Variants in FBXO11 observed in about 807,000 individuals in gnomAD.
FBXO11 encodes the protein F-box only protein 11.
A neutral mutation model predicts 117.0 loss-of-function variants in FBXO11; 13 were observed. The observed-to-expected ratio is 0.11, with a 90% CI of 0.07 to 0.18. FBXO11 has a LOEUF of 0.18. Ranked by LOEUF, FBXO11 falls within the 10% of genes least tolerant of loss-of-function variation. FBXO11 has a pLI of 1.00. For missense variants in FBXO11, 767 were observed against 1,164.4 expected, an observed-to-expected ratio of 0.66 and a Z score of 4.97; for synonymous variants, 490 against 380.5, an observed-to-expected ratio of 1.29 and a Z score of -3.35.
At position 47,905,820 on chromosome 2, in the gene FBXO11, G is replaced by T; in HGVS notation, c.-100C>A. On this transcript the variant is annotated 5_prime_UTR_variant, in exon 1 of 23. Transcript: ENST00000403359. ...AAGGGGTGGGGAGAGTGGGAGAGGG[G>T]GGAGGAAGGAGAGGGGGCGAGGGGA... 9.6e-7 allele frequency: 1 copy of T among 1,041,356 alleles called. No individual in the cohort carries two copies. The highest frequency in any genetic ancestry group is 1.3e-6 in the Non-Finnish European group (1 of 757,052). The allele number at this position is 1,041,356 out of a possible 1,614,324, so 64.5% of individuals were successfully genotyped here.
At chr2:47,812,226 A>G (rs758299612) in intron 18 of FBXO11, among the ~76,000 whole-genome samples, 1 of 152,170 alleles carries the variant, frequency 6.6e-6, no homozygotes, top group Non-Finnish European at 1.5e-5. Flanking sequence ...CACACTATAC[A>G]TTTTATGGAT....
chr2:47,807,873 T>A lies in FBXO11; in HGVS notation c.*245A>T. 4 of 366,708 alleles carry A rather than the reference T, an allele frequency of 1.1e-5. No individual in the cohort carries two copies. In the South Asian group the frequency reaches 2.1e-4, roughly 19 times the overall value. 22.7% of individuals were successfully genotyped at this position (366,708 alleles called of 1,614,324 possible). A position where few individuals can be genotyped will look rare whatever the true frequency, so the allele number is the denominator to read the frequency against. ...TATCTGTACAAAATTGCAGCTTATTTTCTTCACTTCTGTCCCTTCAAGTCT... is the reference window on the plus strand; with the variant it reads ...TATCTGTACAAAATTGCAGCTTATTATCTTCACTTCTGTCCCTTCAAGTCT... On this transcript the variant is annotated 3_prime_UTR_variant, in exon 23 of 23. Transcript: ENST00000403359.
intron 1 of FBXO11, among the ~76,000 whole-genome samples, chr2:47,900,912 G>C (rs947904377): frequency 7.6e-6 from 1 of 131,184 alleles, no homozygotes; most frequent in Non-Finnish European, 1.6e-5. Context: ...ACATATATAT[G>C]TATATATATA....
intron 3 of FBXO11, 41 bp downstream of exon 3, chr2:47,839,378 A>C (rs765192103): frequency 6.4e-7 from 1 of 1,558,450 alleles, no homozygotes; most frequent in Non-Finnish European, 8.7e-7. Context: ...AAATTAAAAA[A>C]AATTATTTTA....
At chr2:47,834,158 T>A (rs1385946983) in intron 7 of FBXO11, among the ~76,000 whole-genome samples, 4 of 152,150 alleles carry the variant, frequency 2.6e-5, no homozygotes, top group African/African-American at 9.7e-5. Context: ...GAGACCAGCC[T>A]GGCCAACATG....
intron 19 of FBXO11, chr2:47,809,974 T>G: frequency 2.0e-6 from 1 of 495,406 alleles, no homozygotes; most frequent in Non-Finnish European, 3.6e-6. Flanking sequence ...TTGCATCCAT[T>G]TTAACATCTC....
At chr2:47,844,124 C>G (rs1673224565) in intron 1 of FBXO11, among the ~76,000 whole-genome samples, 3 of 152,148 alleles carry the variant, frequency 2.0e-5, no homozygotes, top group Admixed American at 2.0e-4. Context: ...TGTAATTTAA[C>G]CCATCTACTG....
intron 1 of FBXO11, among the ~76,000 whole-genome samples, chr2:47,895,807 C>T (rs1677616943): frequency 1.3e-5 from 2 of 152,098 alleles, no homozygotes; most frequent in African/African-American, 4.8e-5. Context: ...ATTCTCCTGC[C>T]TCAGCCTCCC....
chr2:47,890,855 T>C (rs77776205), intron 1 of FBXO11, among the ~76,000 whole-genome samples: 138 of 152,264 alleles, frequency 9.1e-4, no homozygotes, highest in Middle Eastern at 3.4e-3. Context: ...TCTTGCTCTA[T>C]TGCTCACGCT....
rs940930939 is a variant in FBXO11, at chr2:47,807,596, T to C, written c.*522A>G. The C allele has an allele frequency of 2.7e-5, 6 of 218,408 alleles. No homozygotes were observed. Among genetic ancestry groups the C allele is most frequent in the Admixed American group, 1.1e-4 (2 of 17,766 alleles). The allele number at this position is 218,408 out of a possible 1,614,324, so 13.5% of individuals were successfully genotyped here. ...GGGCACATTCAAGTACAGTAAGATT[T>C]TGCTTGAAATTAAAAACAAACTACA... On this transcript the variant is annotated 3_prime_UTR_variant, in exon 23 of 23. Transcript: ENST00000403359.
chr2:47,900,668 G>A (rs369275593), intron 1 of FBXO11, among the ~76,000 whole-genome samples: 1 of 29,732 alleles, frequency 3.4e-5, no homozygotes, highest in African/African-American at 2.5e-4. Flanking sequence ...ACACACGTAC[G>A]TATATACACA....
chr2:47,855,844 A>G (rs1156837788), intron 1 of FBXO11, among the ~76,000 whole-genome samples: 1 of 151,816 alleles, frequency 6.6e-6, no homozygotes, highest in Non-Finnish European at 1.5e-5. Flanking sequence ...AACAGTTCAA[A>G]AAAAAAAAAA....
At chr2:47,904,437 C>T (rs751089243) in intron 1 of FBXO11, among the ~76,000 whole-genome samples, 16 of 152,146 alleles carry the variant, frequency 1.1e-4, no homozygotes, top group Non-Finnish European at 2.1e-4. Context: ...TAGAACTGAA[C>T]ATTATTTTTG....
chr2:47,859,359 G>A (rs924185968), intron 1 of FBXO11, among the ~76,000 whole-genome samples: 3 of 152,064 alleles, frequency 2.0e-5, no homozygotes, highest in East Asian at 1.9e-4. Context: ...TCAATGGTTC[G>A]CTTTTATCAT....
In FBXO11 at chr2:47,842,517, G is replaced by C. The variant is rs547981872; in HGVS notation, c.233-2748C>G. On this transcript the variant is annotated intron_variant, in intron 1 of 22. Coordinates refer to ENST00000403359, the MANE Select transcript of FBXO11 (RefSeq NM_001190274.2). The stretch of plus-strand genomic sequence containing the variant: ...AAAAGGGGGGAGAGTTTGTAAAAGT[G>C]TAATATTTAAAAGTAGAGATTTCCA... 2.7e-3 allele frequency among the ~76,000 whole-genome samples: 406 copies of C among 152,182 alleles called. 2 individuals are homozygous for C. In the Middle Eastern group the frequency reaches 0.038, roughly 14 times the overall value.
At chr2:47,872,191 G>C (rs1246323687) in intron 1 of FBXO11, among the ~76,000 whole-genome samples, 1 of 152,198 alleles carries the variant, frequency 6.6e-6, no homozygotes, top group Non-Finnish European at 1.5e-5. Flanking sequence ...ATGCTGTTTA[G>C]AAATTCTGTG....
intron 1 of FBXO11, among the ~76,000 whole-genome samples, chr2:47,860,814 G>A (rs1674709405): frequency 4.3e-5 from 6 of 138,760 alleles, no homozygotes; most frequent in African/African-American, 2.7e-5. Context: ...TGGAAAATAG[G>A]AAAAAAAAAA....
intron 19 of FBXO11, chr2:47,810,001 T>A: frequency 2.0e-6 from 1 of 492,528 alleles, no homozygotes; most frequent in Non-Finnish European, 3.6e-6. Flanking sequence ...TGTTGCAGAT[T>A]TAAACTGGTA....
chr2:47,899,653 T>G (rs186479139), intron 1 of FBXO11, among the ~76,000 whole-genome samples: 1 of 152,192 alleles, frequency 6.6e-6, no homozygotes, highest in Non-Finnish European at 1.5e-5. Context: ...TCATTCCTTA[T>G]AGTGTATCTT....
Sources: gnomAD v4.1 joint callset for allele counts (sites outside exome capture counted in the v4.1 genomes callset) on GRCh38, gnomAD v4.1.1 for gene constraint, MANE v1.5 for transcripts, NCBI Gene and HGNC (gene_info 2026-07-23, HGNC 2026-07-21) for gene names.